GPM6A: variants seen among roughly 807,000 people sequenced by gnomAD.
GPM6A encodes the protein glycoprotein M6A.
In GPM6A, 7 loss-of-function variants were observed where a neutral mutation model predicts 32.1. That is an observed-to-expected ratio of 0.22 (90% CI 0.12 to 0.41). The LOEUF is 0.41. Ranked by LOEUF, GPM6A falls within the 10% of genes least tolerant of loss-of-function variation. The pLI, the probability that GPM6A is intolerant of heterozygous loss-of-function variation, is 1.00. For synonymous variants in GPM6A, 130 were observed against 123.4 expected (o/e 1.05, Z -0.35); for missense variants, 235 against 347.2 (o/e 0.68, Z 2.57).
chr4:175,740,579 T>C (rs934120957), intron 1 of GPM6A, among the ~76,000 whole-genome samples: 1 of 152,036 alleles, frequency 6.6e-6, no homozygotes, highest in Non-Finnish European at 1.5e-5. Flanking sequence ...TATATCTTAA[T>C]AGTGATACAT....
intron 1 of GPM6A, among the ~76,000 whole-genome samples, chr4:175,940,222 G>A (rs1046495000): frequency 5.3e-5 from 8 of 152,154 alleles, no homozygotes; most frequent in African/African-American, 9.6e-5. Context: ...GTTAGCCAAC[G>A]TAAATATGAT....
chr4:176,001,342 A>G (rs1420965800), intron 1 of GPM6A, among the ~76,000 whole-genome samples: 1 of 152,146 alleles, frequency 6.6e-6, no homozygotes, highest in Non-Finnish European at 1.5e-5. Context: ...GGCTGAACGC[A>G]GTCGGCAACC....
At chr4:175,779,576 G>A (rs1329653605) in intron 1 of GPM6A, among the ~76,000 whole-genome samples, 1 of 152,114 alleles carries the variant, frequency 6.6e-6, no homozygotes, top group East Asian at 1.9e-4. Context: ...TGGCTCTCAA[G>A]AATATGTTCT....
chr4:175,687,237 T>C (rs927010747), intron 2 of GPM6A, among the ~76,000 whole-genome samples: 1 of 152,174 alleles, frequency 6.6e-6, no homozygotes, highest in Non-Finnish European at 1.5e-5. Flanking sequence ...TACAGCATTG[T>C]CAAGTATAAG....
chr4:175,690,137 G>T (rs985709656), intron 2 of GPM6A, among the ~76,000 whole-genome samples: 3 of 152,126 alleles, frequency 2.0e-5, no homozygotes, highest in African/African-American at 4.8e-5. Context: ...GTTTTATGGG[G>T]GACAAGGGCT....
chr4:175,816,325 C>T (rs1735099228), upstream of GPM6A, among the ~76,000 whole-genome samples: 1 of 152,184 alleles, frequency 6.6e-6, no homozygotes, highest in Non-Finnish European at 1.5e-5. Flanking sequence ...CTTATGTGAG[C>T]TCACTCAATC....
intron 1 of GPM6A, among the ~76,000 whole-genome samples, chr4:175,873,194 A>T (rs1736967055): frequency 6.6e-6 from 1 of 152,124 alleles, no homozygotes; most frequent in Non-Finnish European, 1.5e-5. Context: ...TCCTAAAAAA[A>T]ATCATTTACC....
intron 1 of GPM6A, among the ~76,000 whole-genome samples, chr4:175,764,612 T>C (rs1265351117): frequency 1.3e-5 from 2 of 152,068 alleles, no homozygotes; most frequent in African/African-American, 2.4e-5. Context: ...AACTCATCCT[T>C]CATATCCAAA....
chr4:175,811,784 A>G (rs996961802), intron 1 of GPM6A: 5 of 155,554 alleles, frequency 3.2e-5, no homozygotes, highest in African/African-American at 1.2e-4. Context: ...TCAGATGTCC[A>G]TGCAAAGATA....
chr4:175,803,171 TC>T (rs1316951822), intron 1 of GPM6A, among the ~76,000 whole-genome samples: 1 of 148,144 alleles, frequency 6.8e-6, no homozygotes, highest in Non-Finnish European at 1.5e-5. Flanking sequence ...CGTTTCATCA[TC>T]ATCATCATCA....
chr4:175,915,381 T>C (rs1453940784), intron 1 of GPM6A, among the ~76,000 whole-genome samples: 1 of 151,552 alleles, frequency 6.6e-6, no homozygotes, highest in Non-Finnish European at 1.5e-5. Flanking sequence ...CTGCCTCCCG[T>C]GTTCAAGCAA....
At chr4:175,897,000 T>C (rs1737815037) in intron 1 of GPM6A, among the ~76,000 whole-genome samples, 1 of 152,138 alleles carries the variant, frequency 6.6e-6, no homozygotes, top group African/African-American at 2.4e-5. Flanking sequence ...AGATCTCGTT[T>C]GCCTCATGAA....
intron 1 of GPM6A, among the ~76,000 whole-genome samples, chr4:175,839,661 A>G (rs1735877815): frequency 6.6e-6 from 1 of 152,214 alleles, no homozygotes; most frequent in African/African-American, 2.4e-5. Context: ...TTACCAACAT[A>G]GTAGGTACCA....
chr4:175,848,004 G>A (rs1736140974), intron 1 of GPM6A, among the ~76,000 whole-genome samples: 1 of 152,272 alleles, frequency 6.6e-6, no homozygotes, highest in Middle Eastern at 3.4e-3. Context: ...AAAGTACAAT[G>A]TTCTGCAAAA....
chr4:175,721,165 A>ATATATATT (rs1553981545), intron 1 of GPM6A, among the ~76,000 whole-genome samples: 1 of 145,316 alleles, frequency 6.9e-6, no homozygotes, highest in Non-Finnish European at 1.5e-5. Context: ...ATATATATAT[A>ATATATATT]TTTTCTATTT....
chr4:175,770,906 G>A (rs943687098), intron 1 of GPM6A, among the ~76,000 whole-genome samples: 1 of 152,048 alleles, frequency 6.6e-6, no homozygotes, highest in Non-Finnish European at 1.5e-5. Context: ...CTTCATCCTC[G>A]GTGCATCCCT....
chr4:175,732,324 T>C (rs1341784030), intron 1 of GPM6A, among the ~76,000 whole-genome samples: 1 of 152,166 alleles, frequency 6.6e-6, no homozygotes, highest in Admixed American at 6.5e-5. Flanking sequence ...TTTCTGACCT[T>C]ATCCAAAACC....
chr4:175,683,266 T>C (rs73020130), intron 2 of GPM6A, among the ~76,000 whole-genome samples: 7,558 of 152,294 alleles, frequency 0.05, 212 homozygotes, highest in Non-Finnish European at 0.063. Context: ...GTCAATTTCT[T>C]CCTTTTGGAA....
At chr4:175,936,585 G>T (rs1231967271) in intron 1 of GPM6A, among the ~76,000 whole-genome samples, 1 of 151,856 alleles carries the variant, frequency 6.6e-6, no homozygotes, top group Non-Finnish European at 1.5e-5. Context: ...AAATGTTAAA[G>T]CACACTTAAG....
Sources: gnomAD v4.1 joint callset for allele counts (sites outside exome capture counted in the v4.1 genomes callset) on GRCh38, gnomAD v4.1.1 for gene constraint, MANE v1.5 for transcripts, NCBI Gene and HGNC (gene_info 2026-07-23, HGNC 2026-07-21) for gene names.